PTPRA: variants seen among roughly 807,000 people sequenced by gnomAD.
PTPRA encodes the protein receptor-type tyrosine-protein phosphatase alpha.
A neutral mutation model predicts 104.8 loss-of-function variants in PTPRA; 25 were observed. The observed-to-expected ratio is 0.24, with a 90% CI of 0.17 to 0.33. The LOEUF (loss-of-function observed/expected upper bound fraction) is 0.33. Among genes scored for constraint, PTPRA ranks in the 10% least tolerant of loss-of-function variants. The pLI, the probability that PTPRA is intolerant of heterozygous loss-of-function variation, is 1.00. For missense variants in PTPRA, 765 were observed against 1,015.3 expected, an observed-to-expected ratio of 0.75 and a Z score of 3.35; for synonymous variants, 323 against 368.9, an observed-to-expected ratio of 0.88 and a Z score of 1.43.
chr20:3,018,838 C>T (rs1425835436), intron 13 of PTPRA, among the ~76,000 whole-genome samples: 3 of 108,790 alleles, frequency 2.8e-5, no homozygotes, highest in East Asian at 3.6e-4. Context: ...GACAGGGCGG[C>T]TGGCCGGGCG....
In PTPRA at chr20:2,983,451, G is replaced by C. The variant is rs185457629; in HGVS notation, c.443-3314G>C. 1.3e-4 allele frequency among the ~76,000 whole-genome samples: 20 copies of C among 151,804 alleles called. No individual in the cohort carries two copies. In the East Asian group the frequency reaches 3.9e-3, roughly 29 times the overall value. On this transcript the variant is annotated intron_variant, in intron 6 of 23. Coordinates refer to ENST00000399903, the MANE Select transcript of PTPRA (RefSeq NM_001385305.1). ...CTAAGAGTGGGACACAACCTGAGTT[G>C]CTTTCCTAGAGATCACTCTGCTTTG...
chr20:2,991,000 C>T (rs1354111508), intron 9 of PTPRA, among the ~76,000 whole-genome samples: 1 of 152,076 alleles, frequency 6.6e-6, no homozygotes, highest in East Asian at 1.9e-4. Flanking sequence ...ATAGCTTGGA[C>T]CCTTTTTGGG....
At chr20:2,951,992 G>A (rs776800009) in intron 3 of PTPRA, among the ~76,000 whole-genome samples, 24 of 152,052 alleles carry the variant, frequency 1.6e-4, no homozygotes, top group Non-Finnish European at 2.9e-4. Context: ...ATGGTGGTGC[G>A]TGCCTGTAAT....
At chr20:2,901,563 T>C (rs1049325121) in intron 1 of PTPRA, among the ~76,000 whole-genome samples, 16 of 152,212 alleles carry the variant, frequency 1.1e-4, no homozygotes, top group Non-Finnish European at 1.9e-4. Flanking sequence ...TTGTACTTTA[T>C]TGTAAGTTCT....
At chr20:2,909,963 GATAT>G (rs1202615827) in intron 1 of PTPRA, among the ~76,000 whole-genome samples, 13 of 113,452 alleles carry the variant, frequency 1.1e-4, no homozygotes, top group Admixed American at 2.1e-4. Flanking sequence ...TATAATATAT[GATAT>G]ATATATAATC....
At chr20:3,017,405 C>T (rs1015765283) in intron 12 of PTPRA, among the ~76,000 whole-genome samples, 4 of 152,192 alleles carry the variant, frequency 2.6e-5, no homozygotes, top group African/African-American at 9.7e-5. Context: ...CTAGCCTGAA[C>T]AAGTCATCCA....
chr20:3,024,557 A>C lies in PTPRA; in HGVS notation c.1550A>C (p.His517Pro), dbSNP rs531199896. ...TELEVTSLETHLQKIYNKIPG... is the reference protein window; with the variant it reads ...TELEVTSLETPLQKIYNKIPG... ...CTGGAAGTGACCTCTCTAGAAACCC[A>C]CCTGCAGAAAATTTACAACAAAATC... Residue 517 changes from histidine to proline, a missense_variant, in exon 17 of 24, where the codon CAC (histidine) becomes CCC (proline). Physicochemically the swap from His to Pro is moderately conservative, Grantham distance 77 (BLOSUM62 -2). Coordinates refer to ENST00000399903, the MANE Select transcript of PTPRA (RefSeq NM_001385305.1). The C allele has an allele frequency of 1.9e-6, 3 of 1,614,152 alleles. No individual in the cohort carries two copies. Among genetic ancestry groups the C allele is most frequent in the Admixed American group, 1.7e-5 (1 of 60,022 alleles).
rs891958845 is a variant in PTPRA, at chr20:2,924,830, G to A, written c.-50+1545G>A. 3.9e-5 allele frequency among the ~76,000 whole-genome samples: 6 copies of A among 151,964 alleles called. No homozygotes were observed. In the East Asian group the frequency reaches 5.8e-4, roughly 15 times the overall value. On this transcript the variant is annotated intron_variant, in intron 2 of 23. Transcript: ENST00000399903. ...CAAGTAGCTGGGATTACAGACACGCGCCACCACGCCCAGCTAATTTTTGTA... is the reference window on the plus strand; with the variant it reads ...CAAGTAGCTGGGATTACAGACACGCACCACCACGCCCAGCTAATTTTTGTA...
intron 2 of PTPRA, among the ~76,000 whole-genome samples, chr20:2,931,457 C>G (rs1037181770): frequency 6.6e-6 from 1 of 152,028 alleles, no homozygotes; most frequent in African/African-American, 2.4e-5. Context: ...TCAGCAGGCA[C>G]TTGGAGAATG....
At chr20:2,931,099 T>G (rs1366046484) in intron 2 of PTPRA, among the ~76,000 whole-genome samples, 1 of 152,078 alleles carries the variant, frequency 6.6e-6, no homozygotes, top group Non-Finnish European at 1.5e-5. Flanking sequence ...AAAACCAGGA[T>G]TCTGGGGCTC....
At chr20:3,006,366 A>G (rs534682291) in intron 10 of PTPRA, among the ~76,000 whole-genome samples, 1 of 152,110 alleles carries the variant, frequency 6.6e-6, no homozygotes, top group South Asian at 2.1e-4. Flanking sequence ...TTTTTTAGAC[A>G]CAGGGTCTTG....
chr20:2,934,454 G>A (rs2060618128), intron 2 of PTPRA, among the ~76,000 whole-genome samples: 1 of 151,878 alleles, frequency 6.6e-6, no homozygotes, highest in African/African-American at 2.4e-5. Flanking sequence ...TTATAAATCT[G>A]TATCTGTACC....
At chr20:2,944,059 T>TTTTTTTTTTTTTGTG (rs2061033104) in intron 2 of PTPRA, among the ~76,000 whole-genome samples, 1 of 149,906 alleles carries the variant, frequency 6.7e-6, no homozygotes, top group African/African-American at 2.4e-5. Flanking sequence ...TTTTTTTTTT[T>TTTTTTTTTTTTTGTG]AGACAGGGTC....
At chr20:2,970,395 G>A (rs972367991) in intron 5 of PTPRA, among the ~76,000 whole-genome samples, 3 of 152,102 alleles carry the variant, frequency 2.0e-5, no homozygotes, top group African/African-American at 7.2e-5. Context: ...TTAAACTTGG[G>A]GATCTCTGCC....
At chr20:2,868,179 T>C in the PTPRA span, among the ~76,000 whole-genome samples, 97,374 of 152,060 alleles carry the variant, frequency 0.64, 32,811 homozygotes, top group East Asian at 0.86. Flanking sequence ...CCCAAGAGGG[T>C]GCCAGGTAGA....
At chr20:2,877,249 T>C (rs1263718717) in intron 1 of PTPRA, among the ~76,000 whole-genome samples, 1 of 151,926 alleles carries the variant, frequency 6.6e-6, no homozygotes, top group Non-Finnish European at 1.5e-5. Context: ...GAGATGTTTT[T>C]TGTTTGTTTG....
At chr20:2,988,312 C>T in intron 8 of PTPRA, 26 bp from the exon 9 acceptor site, 1 of 1,575,930 alleles carries the variant, frequency 6.3e-7, no homozygotes, top group Non-Finnish European at 8.6e-7. Flanking sequence ...GGGTACCTGA[C>T]TGACCTTCTC....
intron 1 of PTPRA, among the ~76,000 whole-genome samples, chr20:2,876,922 A>C (rs952394725): frequency 6.6e-6 from 1 of 152,164 alleles, no homozygotes; most frequent in Non-Finnish European, 1.5e-5. Flanking sequence ...GATTCTAGCC[A>C]GTTTCTTTGA....
At position 3,022,677 on chromosome 20, in the gene PTPRA, C is replaced by G; in HGVS notation, c.1329-12C>G. 6.2e-7 allele frequency: 1 copy of G among 1,614,068 alleles called. No homozygotes were observed. The highest frequency in any genetic ancestry group is 8.5e-7 in the Non-Finnish European group (1 of 1,179,984). Reference sequence around the variant, plus strand: ...CTGGCCATCCCTATAACCCCCTGCTCTCTGGCTACAGTGCAGGTGTAGGGC... The same window carrying G: ...CTGGCCATCCCTATAACCCCCTGCTGTCTGGCTACAGTGCAGGTGTAGGGC... On this transcript the variant is annotated splice_polypyrimidine_tract_variant and intron_variant, in intron 15 of 23. Transcript: ENST00000399903. This position sits in a 1 kb window ranked among gnomAD's most constrained non-coding sequence, Gnocchi z 4.6.
Sources: allele counts gnomAD v4.1 joint callset (sites outside exome capture counted in the v4.1 genomes callset), GRCh38; gene constraint gnomAD v4.1.1; non-coding constraint Gnocchi (gnomAD v3.1); transcripts MANE v1.5; gene names NCBI Gene and HGNC (gene_info 2026-07-23, HGNC 2026-07-21).